Variants in HIP1 observed in about 807,000 individuals in gnomAD.
The protein encoded by HIP1 is huntingtin interacting protein 1.
Under a neutral mutation model 147.6 loss-of-function variants are expected in HIP1, and 65 were observed. The observed-to-expected ratio is 0.44, with a 90% confidence interval of 0.36 to 0.54. The LOEUF is 0.54. Among genes scored for constraint, HIP1 ranks in the 20% least tolerant of loss-of-function variants. The probability of loss-of-function intolerance (pLI) is 0.00; values close to 1 mark genes in which losing one functional copy is unlikely to be tolerated. For synonymous variants in HIP1, 479 were observed against 504.0 expected (o/e 0.95, Z 0.67); for missense variants, 1,061 against 1,299.6 (o/e 0.82, Z 2.82).
At chr7:75,710,150 GGCC>G (rs1801128237) in intron 1 of HIP1, among the ~76,000 whole-genome samples, 3 of 152,010 alleles carry the variant, frequency 2.0e-5, no homozygotes, top group Non-Finnish European at 4.4e-5. Context: ...CTCCGACCTT[GGCC>G]TCCCAAAGTG....
chr7:75,722,492 G>A (rs987339780), intron 1 of HIP1, among the ~76,000 whole-genome samples: 16 of 152,118 alleles, frequency 1.1e-4, no homozygotes, highest in African/African-American at 2.7e-4. Context: ...AAGACTTCCC[G>A]ATTCCTAATC....
intron 1 of HIP1, among the ~76,000 whole-genome samples, chr7:75,657,515 A>G (rs1230170311): frequency 6.7e-6 from 1 of 148,948 alleles, no homozygotes; most frequent in Non-Finnish European, 1.5e-5. Flanking sequence ...GAGGGACAAG[A>G]GACTTTGTCT....
chr7:75,688,646 T>TTCCTCCCTCCCTCGGTGGCCTTTGG (rs1469279864), intron 1 of HIP1, among the ~76,000 whole-genome samples: 4 of 151,876 alleles, frequency 2.6e-5, no homozygotes, highest in Non-Finnish European at 5.9e-5. Flanking sequence ...GCCTACTCCC[T>TTCCTCCCTCCCTCGGTGGCCTTTGG]TCCTCCCTCC....
At chr7:75,609,681 C>T (rs1193622997) in intron 1 of HIP1, among the ~76,000 whole-genome samples, 1 of 151,984 alleles carries the variant, frequency 6.6e-6, no homozygotes, top group Non-Finnish European at 1.5e-5. Context: ...CCTCAGTCTC[C>T]TGAGTAGCTG....
intron 5 of HIP1, among the ~76,000 whole-genome samples, chr7:75,585,354 T>TA (rs1554499364): frequency 6.6e-6 from 1 of 151,990 alleles, no homozygotes; most frequent in East Asian, 1.9e-4. Flanking sequence ...TTTTGTATTT[T>TA]TAGTAGAGAC....
chr7:75,719,135 T>C (rs551684952), intron 1 of HIP1, among the ~76,000 whole-genome samples: 1 of 151,416 alleles, frequency 6.6e-6, no homozygotes, highest in African/African-American at 2.4e-5. Context: ...CTGGGCAACA[T>C]AGAGAGATCC....
intron 1 of HIP1, among the ~76,000 whole-genome samples, chr7:75,671,189 G>A (rs1554515261): frequency 2.6e-5 from 4 of 152,094 alleles, no homozygotes; most frequent in Non-Finnish European, 5.9e-5. Flanking sequence ...CCCCTCCCGG[G>A]TTCGAGTGAT....
At chr7:75,627,297 C>T (rs1554508158) in intron 1 of HIP1, among the ~76,000 whole-genome samples, 1 of 152,194 alleles carries the variant, frequency 6.6e-6, no homozygotes, top group African/African-American at 2.4e-5. Flanking sequence ...CTCCACCCCA[C>T]TTCCTACACC....
At chr7:75,639,786 G>A (rs1798586293) in intron 1 of HIP1, among the ~76,000 whole-genome samples, 1 of 152,138 alleles carries the variant, frequency 6.6e-6, no homozygotes, top group East Asian at 1.9e-4. Flanking sequence ...GGACAAAGGG[G>A]GAATTCACGG....
chr7:75,539,316 A>G lies in HIP1; in HGVS notation c.3061+7T>C, dbSNP rs782494809. The G allele has an allele frequency of 6.2e-7, 1 of 1,609,674 alleles. No individual in the cohort carries two copies. Among genetic ancestry groups the G allele is most frequent in the Non-Finnish European group, 8.5e-7 (1 of 1,175,922 alleles). On this transcript the variant is annotated splice_region_variant and intron_variant, in intron 30 of 30. Coordinates refer to ENST00000336926, the MANE Select transcript of HIP1 (RefSeq NM_005338.7). ...CGGGTTAGTGCCCATCCTTGGAGTC[A>G]GCTTACCTTCTTCCCAGCCCTCAGC...
At chr7:75,737,504 C>A (rs1398589624) in intron 1 of HIP1, among the ~76,000 whole-genome samples, 1 of 152,018 alleles carries the variant, frequency 6.6e-6, no homozygotes, top group Non-Finnish European at 1.5e-5. Flanking sequence ...GCAACCACGC[C>A]CAGCTAATTT....
intron 28 of HIP1, 21 bp from the exon 29 acceptor site, chr7:75,542,001 AG>A: frequency 6.2e-7 from 1 of 1,609,472 alleles, no homozygotes; most frequent in Non-Finnish European, 8.5e-7. Context: ...GGAAACAAGA[AG>A]GTCTCATCAA....
At chr7:75,736,077 A>G (rs1266720430) in intron 1 of HIP1, among the ~76,000 whole-genome samples, 1 of 152,034 alleles carries the variant, frequency 6.6e-6, no homozygotes, top group Admixed American at 6.6e-5. Flanking sequence ...AAAAAAAAAA[A>G]AGTTAAAAAT....
chr7:75,634,940 T>TG (rs1384007374), intron 1 of HIP1, among the ~76,000 whole-genome samples: 1 of 55,730 alleles, frequency 1.8e-5, no homozygotes, highest in African/African-American at 8.2e-5. Context: ...ACACTATCTC[T>TG]GAAAAAAAAA....
chr7:75,617,763 G>T (rs961928714), intron 1 of HIP1, among the ~76,000 whole-genome samples: 4 of 152,186 alleles, frequency 2.6e-5, no homozygotes, highest in Admixed American at 6.6e-5. Flanking sequence ...CTCCTCCCTT[G>T]TAAGGCTGCT....
chr7:75,629,016 T>A (rs1457418353), intron 1 of HIP1, among the ~76,000 whole-genome samples: 1 of 152,194 alleles, frequency 6.6e-6, no homozygotes, highest in Non-Finnish European at 1.5e-5. Flanking sequence ...GCAGTGATTT[T>A]GTAAGACTTC....
At chr7:75,692,561 C>T (rs1253196540) in intron 1 of HIP1, among the ~76,000 whole-genome samples, 3 of 151,040 alleles carry the variant, frequency 2.0e-5, no homozygotes, top group African/African-American at 7.3e-5. Context: ...GCTGAGATTA[C>T]TGGCATGAAC....
intron 1 of HIP1, among the ~76,000 whole-genome samples, chr7:75,615,059 C>T (rs1797602465): frequency 1.3e-5 from 2 of 152,076 alleles, no homozygotes; most frequent in Non-Finnish European, 2.9e-5. Context: ...AGGCATGAGC[C>T]ACCACGCTGG....
chr7:75,583,316 G>C (rs2116930638), intron 5 of HIP1, among the ~76,000 whole-genome samples: 1 of 152,224 alleles, frequency 6.6e-6, no homozygotes, highest in Non-Finnish European at 1.5e-5. Flanking sequence ...TCTGCACCTA[G>C]GGCCGGCTGC....
Sources: gnomAD v4.1 joint callset for allele counts (sites outside exome capture counted in the v4.1 genomes callset) on GRCh38, gnomAD v4.1.1 for gene constraint, MANE v1.5 for transcripts, NCBI Gene and HGNC (gene_info 2026-07-23, HGNC 2026-07-21) for gene names.